GPC5: variants seen among roughly 807,000 people sequenced by gnomAD.
GPC5 encodes the protein glypican 5, also known as glypican-5.
A neutral mutation model predicts 53.9 loss-of-function variants in GPC5; 47 were observed. The observed-to-expected ratio is 0.87, with a 90% CI of 0.69 to 1.11. The LOEUF (loss-of-function observed/expected upper bound fraction) is 1.11, where lower values mean the gene tolerates loss of function less well. Among genes scored for constraint, GPC5 ranks in the 50% most tolerant of loss-of-function variants. The pLI, the probability that GPC5 is intolerant of heterozygous loss-of-function variation, is 0.00. For missense variants in GPC5, 748 were observed against 713.1 expected (o/e 1.05, Z -0.56); for synonymous variants, 286 against 263.3 (o/e 1.09, Z -0.84).
chr13:91,571,827 A>ACG (rs2031823772), intron 2 of GPC5, among the ~76,000 whole-genome samples: 15 of 103,406 alleles, frequency 1.5e-4, no homozygotes, highest in Admixed American at 1.3e-3. Flanking sequence ...GTGTGTATAT[A>ACG]TACACATATA....
intron 3 of GPC5, among the ~76,000 whole-genome samples, chr13:91,714,414 G>A (rs9583957): frequency 0.031 from 4,699 of 152,218 alleles, 111 homozygotes; most frequent in African/African-American, 0.062. Flanking sequence ...CATAAGTAAT[G>A]CATTCAAGCT....
intron 6 of GPC5, among the ~76,000 whole-genome samples, chr13:92,068,234 T>G (rs2041182313): frequency 6.6e-6 from 1 of 151,860 alleles, no homozygotes; most frequent in Non-Finnish European, 1.5e-5. Flanking sequence ...GGAAAATATA[T>G]TCAAAAAGAA....
chr13:92,509,726 A>G (rs1028219396), intron 7 of GPC5: 3 of 152,222 alleles, frequency 2.0e-5, no homozygotes, highest in Non-Finnish European at 2.9e-5. Context: ...AGTTATTTAA[A>G]AGCTAGCAAA....
intron 2 of GPC5, among the ~76,000 whole-genome samples, chr13:91,454,025 G>A (rs1881369801): frequency 1.3e-5 from 2 of 152,096 alleles, no homozygotes; most frequent in Non-Finnish European, 2.9e-5. Context: ...CATGCTGAAT[G>A]GGATTGCATT....
In GPC5 at chr13:92,455,219, A is replaced by G. The variant is rs559869592; in HGVS notation, c.1561+310230A>G. Among the ~76,000 whole-genome samples the G allele has an allele frequency of 1.6e-4, 25 of 152,328 alleles. No homozygotes were observed. The South Asian group carries it at 3.5e-3, about 21-fold the overall frequency. The stretch of plus-strand genomic sequence containing the variant: ...AACTTAGAAACTTCATTAGTTTCAC[A>G]GAAGGTGGCCACTATAAATAGTATA... On this transcript the variant is annotated intron_variant, in intron 7 of 7. Transcript: ENST00000377067.
At chr13:91,439,335 G>A (rs1394668955) in intron 1 of GPC5, among the ~76,000 whole-genome samples, 2 of 151,884 alleles carry the variant, frequency 1.3e-5, no homozygotes, top group African/African-American at 4.8e-5. Context: ...AGCTCCCTGA[G>A]AAAAAAAAGA....
chr13:91,614,895 T>A (rs890721139), intron 2 of GPC5, among the ~76,000 whole-genome samples: 1 of 152,206 alleles, frequency 6.6e-6, no homozygotes, highest in Admixed American at 6.5e-5. Flanking sequence ...CAAACATGTT[T>A]AAGTTAATAC....
chr13:91,561,339 C>A (rs1245147059), intron 2 of GPC5, among the ~76,000 whole-genome samples: 1 of 152,094 alleles, frequency 6.6e-6, no homozygotes, highest in Non-Finnish European at 1.5e-5. Flanking sequence ...TAACTCTACC[C>A]CAATAGCAAA....
chr13:92,327,160 G>A (rs946762923), intron 7 of GPC5, among the ~76,000 whole-genome samples: 1 of 152,132 alleles, frequency 6.6e-6, no homozygotes, highest in Non-Finnish European at 1.5e-5. Flanking sequence ...TTTTACTGCA[G>A]TTTTTGCCTT....
intron 5 of GPC5, among the ~76,000 whole-genome samples, chr13:91,796,392 C>A (rs1238771804): frequency 6.6e-6 from 1 of 152,094 alleles, no homozygotes; most frequent in African/African-American, 2.4e-5. Flanking sequence ...GGACAGCGAG[C>A]CAAAGCTCAG....
chr13:92,654,716 T>C (rs1241891389), intron 7 of GPC5, among the ~76,000 whole-genome samples: 1 of 151,604 alleles, frequency 6.6e-6, no homozygotes, highest in East Asian at 2.0e-4. Flanking sequence ...TTTTGTAATT[T>C]TATTTTTATA....
chr13:91,604,365 G>C (rs1384104178), intron 2 of GPC5, among the ~76,000 whole-genome samples: 1 of 150,766 alleles, frequency 6.6e-6, no homozygotes, highest in Non-Finnish European at 1.5e-5. Context: ...TTGGACATTT[G>C]GGTTGGTTCC....
At chr13:92,102,004 C>A (rs1327271331) in intron 6 of GPC5, among the ~76,000 whole-genome samples, 1 of 152,128 alleles carries the variant, frequency 6.6e-6, no homozygotes, top group Non-Finnish European at 1.5e-5. Flanking sequence ...GCAGAATTTG[C>A]AAGCTGAGTA....
intron 6 of GPC5, among the ~76,000 whole-genome samples, chr13:91,967,423 A>C (rs113857878): frequency 0.019 from 2,959 of 152,266 alleles, 92 homozygotes; most frequent in African/African-American, 0.067. Context: ...AAATATACTC[A>C]GTTAGAAGAA....
At chr13:91,622,658 C>T (rs757195768) in intron 2 of GPC5, among the ~76,000 whole-genome samples, 2 of 152,084 alleles carry the variant, frequency 1.3e-5, no homozygotes. Flanking sequence ...ACATGCCATG[C>T]GATCTTCCAG....
chr13:92,016,773 G>C (rs2040711441), intron 6 of GPC5, among the ~76,000 whole-genome samples: 1 of 150,856 alleles, frequency 6.6e-6, no homozygotes, highest in South Asian at 2.1e-4. Context: ...TGTCACCAAG[G>C]CTGGAGTGCA....
chr13:92,646,929 C>CGCGTGTGT (rs372426651), intron 7 of GPC5, among the ~76,000 whole-genome samples: 1 of 135,096 alleles, frequency 7.4e-6, no homozygotes, highest in Non-Finnish European at 1.6e-5. Flanking sequence ...TATATATAAA[C>CGCGTGTGT]ATGTGTGTGT....
chr13:92,429,904 A>G (rs1317424057), intron 7 of GPC5, among the ~76,000 whole-genome samples: 2 of 152,108 alleles, frequency 1.3e-5, no homozygotes, highest in Non-Finnish European at 2.9e-5. Context: ...CAAGAGATCT[A>G]TTGTACAACA....
chr13:92,852,646 T>C (rs1878854147), intron 7 of GPC5, among the ~76,000 whole-genome samples: 1 of 152,100 alleles, frequency 6.6e-6, no homozygotes, highest in African/African-American at 2.4e-5. Context: ...TCATAGTTCA[T>C]TGCAGCCTTT....
Sources: allele counts gnomAD v4.1 joint callset (sites outside exome capture counted in the v4.1 genomes callset), GRCh38; gene constraint gnomAD v4.1.1; transcripts MANE v1.5; gene names NCBI Gene and HGNC (gene_info 2026-07-23, HGNC 2026-07-21).